Variants in CATSPERT observed in about 807,000 individuals in gnomAD.
CATSPERT encodes the protein cation channel sperm-associated targeting subunit tau.
the CATSPERT span, chr2:201,575,405 A>C: frequency 8.7e-7 from 1 of 1,150,916 alleles, no homozygotes; most frequent in Non-Finnish European, 1.2e-6. Context: ...AGGGTCCCCA[A>C]CCCCTAGGCC....
the CATSPERT span, chr2:201,495,984 A>C: frequency 6.6e-7 from 1 of 1,508,086 alleles, no homozygotes; most frequent in Non-Finnish European, 9.1e-7. Context: ...TAAAAAAAGA[A>C]GTTCTAATTT....
chr2:201,534,993 A>C, the CATSPERT span: 1 of 474,286 alleles, frequency 2.1e-6, no homozygotes, highest in Non-Finnish European at 2.8e-6. Context: ...AAAGACTAAA[A>C]GAAAATAAAA....
chr2:201,502,928 G>A, the CATSPERT span, among the ~76,000 whole-genome samples: 1 of 140,896 alleles, frequency 7.1e-6, no homozygotes, highest in Non-Finnish European at 1.5e-5. Flanking sequence ...TTTCATTTTT[G>A]TGTAGCTCCT....
chr2:201,571,223 T>C, the CATSPERT span, among the ~76,000 whole-genome samples: 4 of 152,110 alleles, frequency 2.6e-5, no homozygotes, highest in African/African-American at 9.7e-5. Context: ...CAATATCAAA[T>C]AGATAAAGTA....
At chr2:201,574,300 T>C in the CATSPERT span, 12 of 1,577,480 alleles carry the variant, frequency 7.6e-6, no homozygotes, top group African/African-American at 5.5e-5. Flanking sequence ...TAAATTTTAT[T>C]GTTTGATCAG....
the CATSPERT span, among the ~76,000 whole-genome samples, chr2:201,581,561 T>C: frequency 1.6e-4 from 10 of 63,506 alleles, 2 homozygotes; most frequent in Admixed American, 7.6e-4. Flanking sequence ...TATATATATA[T>C]ATATATATAT....
At chr2:201,531,423 A>G in the CATSPERT span, among the ~76,000 whole-genome samples, 1 of 152,174 alleles carries the variant, frequency 6.6e-6, no homozygotes, top group Non-Finnish European at 1.5e-5. Context: ...ATACAGTGGT[A>G]AATAAGACTA....
the CATSPERT span, chr2:201,565,944 A>C: frequency 7.4e-7 from 1 of 1,358,236 alleles, no homozygotes; most frequent in Non-Finnish European, 9.9e-7. Flanking sequence ...GGCAGCTATC[A>C]CTTTTGAACC....
the CATSPERT span, among the ~76,000 whole-genome samples, chr2:201,595,418 G>A: frequency 1.4e-4 from 21 of 152,144 alleles, no homozygotes; most frequent in African/African-American, 4.8e-4. Flanking sequence ...TCGATCTCCT[G>A]ACCTCGTGAT....
At chr2:201,561,589 A>C in the CATSPERT span, among the ~76,000 whole-genome samples, 5 of 152,288 alleles carry the variant, frequency 3.3e-5, no homozygotes, top group African/African-American at 1.2e-4. Context: ...AAGATAATAT[A>C]GGCTGGGCTT....
the CATSPERT span, among the ~76,000 whole-genome samples, chr2:201,528,068 G>GA: frequency 0.044 from 6,175 of 138,914 alleles, 179 homozygotes; most frequent in Admixed American, 0.08. Context: ...AGCAAAAAGC[G>GA]AAAAAAAAAA....
At chr2:201,534,010 C>T in the CATSPERT span, among the ~76,000 whole-genome samples, 16 of 151,900 alleles carry the variant, frequency 1.1e-4, no homozygotes, top group African/African-American at 3.9e-4. Flanking sequence ...GGATAATTCC[C>T]AAGATTACAC....
the CATSPERT span, chr2:201,553,350 T>C: frequency 6.6e-6 from 1 of 152,226 alleles, no homozygotes; most frequent in East Asian, 1.9e-4. Flanking sequence ...GCATTTCTTT[T>C]ATATTATTAC....
chr2:201,526,682 T>C, the CATSPERT span, among the ~76,000 whole-genome samples: 10 of 152,158 alleles, frequency 6.6e-5, no homozygotes, highest in Admixed American at 2.6e-4. Context: ...ATCATCTCAA[T>C]AGACATAGAA....
the CATSPERT span, chr2:201,582,321 T>C: frequency 8.9e-7 from 1 of 1,118,852 alleles, no homozygotes; most frequent in Admixed American, 2.7e-5. Flanking sequence ...AATATTATTA[T>C]GCAAATACTA....
chr2:201,581,548 GTATATATATATATATATATATATA>G, the CATSPERT span, among the ~76,000 whole-genome samples: 52 of 9,656 alleles, frequency 5.4e-3, 1 homozygote, highest in African/African-American at 6.6e-3. Flanking sequence ...AAAAATGTGT[GTATATATATATATATATATATATA>G]TATATATATA....
chr2:201,494,551 A>C, the CATSPERT span: 1 of 1,536,988 alleles, frequency 6.5e-7, no homozygotes, highest in South Asian at 1.2e-5. Context: ...TGTTGTGAAG[A>C]TATTAGGGTC....
the CATSPERT span, among the ~76,000 whole-genome samples, chr2:201,515,413 T>G: frequency 1.3e-5 from 2 of 151,566 alleles, no homozygotes; most frequent in Admixed American, 6.6e-5. Context: ...TTTTGTATTT[T>G]TAGTAGAGAC....
the CATSPERT span, chr2:201,492,182 A>G: frequency 6.6e-7 from 1 of 1,522,272 alleles, no homozygotes. Flanking sequence ...ATTCTTGAAT[A>G]TTTATTTTGC....
Sources: gnomAD v4.1 joint callset for allele counts (sites outside exome capture counted in the v4.1 genomes callset) on GRCh38, gnomAD v4.1.1 for gene constraint, MANE v1.5 for transcripts, NCBI Gene and HGNC (gene_info 2026-07-23, HGNC 2026-07-21) for gene names.